The following GRK7 variants were observed in gnomAD, a reference collection of about 807,000 sequenced individuals.
The protein encoded by GRK7 is G protein-coupled receptor kinase 7.
Under a neutral mutation model 34.1 loss-of-function variants are expected in GRK7, and 24 were observed. The ratio of observed to expected loss-of-function variants is 0.70; its 90% confidence interval spans 0.51 to 0.99. The LOEUF (loss-of-function observed/expected upper bound fraction) is 0.99. Ranked by LOEUF, GRK7 falls within the 50% of genes least tolerant of loss-of-function variation. The pLI is 0.00. For synonymous variants in GRK7, 256 were observed against 279.4 expected (o/e 0.92, Z 0.84); for missense variants, 644 against 707.3 (o/e 0.91, Z 1.02).
At position 141,807,745 on chromosome 3, in the gene GRK7, T is replaced by C. The variant is rs1196639521; in HGVS notation, c.1151T>C (p.Met384Thr). Residue 384 changes from methionine to threonine, a missense_variant, in exon 5 of 6, where the codon ATG becomes ACG. Physicochemically the swap from Met to Thr is moderately conservative, Grantham distance 81. Transcript: ENST00000682958. ...WFAMGCSIYE[M>T]VAGRTPFKDY... ...GCCATGGGATGCAGCATTTATGAAA[T>C]GGTTGCTGGACGAACACCATTCAAA... 2 of 1,613,970 alleles carry C rather than the reference T, an allele frequency of 1.2e-6. No individual in the cohort carries two copies. The highest frequency in any genetic ancestry group is 1.7e-6 in the Non-Finnish European group (2 of 1,179,940).
upstream of GRK7, among the ~76,000 whole-genome samples, chr3:141,763,016 G>A (rs1019674606): frequency 8.5e-5 from 13 of 152,172 alleles, no homozygotes; most frequent in African/African-American, 2.2e-4. Context: ...ACTGGCCTGC[G>A]CCCACTGTCT....
intron 4 of GRK7, among the ~76,000 whole-genome samples, chr3:141,804,132 T>C (rs761879536): frequency 1.3e-5 from 2 of 152,200 alleles, no homozygotes; most frequent in Non-Finnish European, 2.9e-5. Context: ...CAATCTTACA[T>C]CTTTTATTTT....
intron 1 of GRK7, among the ~76,000 whole-genome samples, chr3:141,767,215 AC>A (rs1391405485): frequency 2.0e-5 from 3 of 152,178 alleles, no homozygotes; most frequent in Admixed American, 1.3e-4. Context: ...AAAAATTTTC[AC>A]CATCTATTCT....
At chr3:141,816,304 T>C (rs1711152859) in intron 5 of GRK7, among the ~76,000 whole-genome samples, 1 of 152,160 alleles carries the variant, frequency 6.6e-6, no homozygotes, top group Non-Finnish European at 1.5e-5. Flanking sequence ...TGCTGCCTTT[T>C]TAAATGGGAG....
At chr3:141,762,974 C>T (rs369284655), upstream of GRK7, among the ~76,000 whole-genome samples, 1 of 152,196 alleles carries the variant, frequency 6.6e-6, no homozygotes, top group African/African-American at 2.4e-5. Context: ...AATGCCTCGC[C>T]CTGCTTCGGC....
chr3:141,785,492 T>C (rs2084691854), intron 4 of GRK7, among the ~76,000 whole-genome samples: 1 of 152,156 alleles, frequency 6.6e-6, no homozygotes, highest in African/African-American at 2.4e-5. Flanking sequence ...AGGCTGGCCG[T>C]GGTGGCTCAC....
rs1207852078 is a variant in GRK7 at position 141,818,528 on chromosome 3, G to A, written c.*1478G>A. The A allele has an allele frequency of 6.6e-6, 1 of 151,868 alleles. No homozygotes were observed. Among genetic ancestry groups the A allele is most frequent in the African/African-American group, 2.4e-5 (1 of 41,324 alleles). The allele number at this position is 151,868 out of a possible 1,614,324, so 9.4% of individuals were successfully genotyped here. On this transcript the variant is annotated 3_prime_UTR_variant, in exon 6 of 6. Transcript: ENST00000682958. ...AAACAAAAAAAACAGAAAAGAAATTGAATTGAAAAAATACTAACCATCATT... is the reference window on the plus strand; with the variant it reads ...AAACAAAAAAAACAGAAAAGAAATTAAATTGAAAAAATACTAACCATCATT...
At chr3:141,779,422 A>AAAAG (rs2084659787) in intron 3 of GRK7, among the ~76,000 whole-genome samples, 2 of 151,656 alleles carry the variant, frequency 1.3e-5, no homozygotes, top group Non-Finnish European at 2.9e-5. Context: ...AAAAAAAAAA[A>AAAAG]AAAAGAAAGA....
intron 5 of GRK7, among the ~76,000 whole-genome samples, chr3:141,808,933 G>C (rs949797813): frequency 2.6e-5 from 4 of 151,960 alleles, no homozygotes; most frequent in African/African-American, 7.3e-5. Context: ...TGTGAGCCAG[G>C]CATGGTGGTT....
At chr3:141,756,682 AAG>A in the GRK7 span, among the ~76,000 whole-genome samples, 1 of 152,192 alleles carries the variant, frequency 6.6e-6, no homozygotes, top group Non-Finnish European at 1.5e-5. Context: ...TTAAAAAAGA[AAG>A]AGATGGCTAT....
intron 3 of GRK7, among the ~76,000 whole-genome samples, chr3:141,779,162 G>A (rs1461850006): frequency 6.6e-6 from 1 of 152,092 alleles, no homozygotes; most frequent in African/African-American, 2.4e-5. Context: ...GAGATGCCTG[G>A]ACACTTCAGA....
intron 3 of GRK7, among the ~76,000 whole-genome samples, chr3:141,779,269 C>G (rs1431378472): frequency 2.0e-5 from 3 of 151,976 alleles, no homozygotes; most frequent in Non-Finnish European, 4.4e-5. Flanking sequence ...AATACTCTAA[C>G]TAGCTGGGTG....
intron 4 of GRK7, among the ~76,000 whole-genome samples, chr3:141,790,485 G>A (rs184173778): frequency 7.9e-5 from 12 of 152,000 alleles, no homozygotes; most frequent in East Asian, 1.9e-4. Context: ...AGGGAATGAC[G>A]GCCATTAATA....
chr3:141,804,898 CACAT>C lies in GRK7; in HGVS notation c.1051-2744_1051-2741del, dbSNP rs541244406. Among the ~76,000 whole-genome samples, 225 of 151,742 alleles carry C rather than the reference CACAT, an allele frequency of 1.5e-3. 1 individual carries two copies. Among genetic ancestry groups the C allele is most frequent in the Admixed American group, 3.0e-3 (45 of 15,194 alleles). On this transcript the variant is annotated intron_variant, in intron 4 of 5. Transcript: ENST00000682958. ...TCACATACACTCACATGCACATTAA[CACAT>C]ACGCATGCTCACACACACATGCATA...
intron 4 of GRK7, among the ~76,000 whole-genome samples, chr3:141,792,002 T>TAA (rs11324121): frequency 1.1e-4 from 9 of 81,478 alleles, no homozygotes; most frequent in South Asian, 4.5e-4. Context: ...AGACTCCATC[T>TAA]AAAAAAAAAA....
chr3:141,787,826 A>G (rs1234857182), intron 4 of GRK7, among the ~76,000 whole-genome samples: 2 of 146,580 alleles, frequency 1.4e-5, no homozygotes, highest in African/African-American at 2.6e-5. Context: ...TAGGCAACAT[A>G]GCAAGACTTT....
chr3:141,796,259 T>C (rs1710870785), intron 4 of GRK7, among the ~76,000 whole-genome samples: 1 of 152,230 alleles, frequency 6.6e-6, no homozygotes, highest in African/African-American at 2.4e-5. Context: ...ACAAATGTAC[T>C]CATGGGTTGG....
chr3:141,780,835 A>G (rs2084669075), intron 4 of GRK7, 24 bp downstream of exon 4: 1 of 1,591,876 alleles, frequency 6.3e-7, no homozygotes, highest in Non-Finnish European at 8.6e-7. Flanking sequence ...CACCTGCCCC[A>G]AGTGCGGGGC....
At chr3:141,805,992 AT>A (rs1711032281) in intron 4 of GRK7, among the ~76,000 whole-genome samples, 1 of 152,172 alleles carries the variant, frequency 6.6e-6, no homozygotes, top group Non-Finnish European at 1.5e-5. Context: ...ACTGAAATGC[AT>A]AGTTGTAATC....
Sources: allele counts gnomAD v4.1 joint callset (sites outside exome capture counted in the v4.1 genomes callset), GRCh38; gene constraint gnomAD v4.1.1; transcripts MANE v1.5; gene names NCBI Gene and HGNC (gene_info 2026-07-23, HGNC 2026-07-21).